HDAC8: variants seen among roughly 807,000 people sequenced by gnomAD.
HDAC8 encodes the protein histone deacetylase-like 1.
HDAC8 carries 1 observed loss-of-function variant against 32.2 expected under a neutral mutation model. The observed-to-expected ratio is 0.03, with a 90% CI of 0.01 to 0.15. HDAC8 has a LOEUF of 0.15. HDAC8 is among the 10% of genes least tolerant of loss of function. The pLI, the probability that HDAC8 is intolerant of heterozygous loss-of-function variation, is 1.00. For synonymous variants in HDAC8, 108 were observed against 113.9 expected, an observed-to-expected ratio of 0.95 and a Z score of 0.33; for missense variants, 117 against 300.0, an observed-to-expected ratio of 0.39 and a Z score of 4.51.
At chrX:72,487,747 A>G (rs968036808) in intron 7 of HDAC8, among the ~76,000 whole-genome samples, 1 of 108,721 alleles carries the variant, frequency 9.2e-6, no homozygotes, top group Admixed American at 9.8e-5. Flanking sequence ...AAAAAAAAAA[A>G]GGGTAACAAA....
intron 9 of HDAC8, among the ~76,000 whole-genome samples, chrX:72,399,481 A>G (rs1555966686): frequency 8.9e-6 from 1 of 112,560 alleles, no homozygotes; most frequent in Non-Finnish European, 1.9e-5. Flanking sequence ...TTTTAGAACC[A>G]GCTTGTCAAA....
chrX:72,384,787 T>G (rs1467607164), intron 9 of HDAC8, among the ~76,000 whole-genome samples: 1 of 112,522 alleles, frequency 8.9e-6, no homozygotes, highest in Admixed American at 9.4e-5. Flanking sequence ...GATACCCAGT[T>G]CCCTTACCAG....
At chrX:72,424,435 G>A (rs782709615) in intron 9 of HDAC8, among the ~76,000 whole-genome samples, 2 of 110,511 alleles carry the variant, frequency 1.8e-5, no homozygotes, top group African/African-American at 6.6e-5. Flanking sequence ...TCTTTTTCAG[G>A]AATTCTTATT....
chrX:72,572,684 A>G lies in HDAC8; in HGVS notation c.78T>C (p.Ser26=). Residue 26 remains serine (S), a synonymous_variant, in exon 1 of 11, where the codon AGT becomes AGC. Coordinates refer to ENST00000373573, the MANE Select transcript of HDAC8 (RefSeq NM_018486.3). Reference sequence around the variant, plus strand: ...GGATCTTGGCCAGGGAGTCACACATACTGACATACTCGGGACTATAGATAT... The same window carrying G: ...GGATCTTGGCCAGGGAGTCACACATGCTGACATACTCGGGACTATAGATAT... ...PVYIYSPEYV[S]MCDSLAKIPK... The G allele has an allele frequency of 2.5e-6, 3 of 1,202,103 alleles. No homozygotes were observed. Among genetic ancestry groups the G allele is most frequent in the Non-Finnish European group, 3.4e-6 (3 of 891,689 alleles).
intron 8 of HDAC8, among the ~76,000 whole-genome samples, chrX:72,462,735 A>G (rs1389630510): frequency 9.0e-6 from 1 of 111,380 alleles, no homozygotes; most frequent in African/African-American, 3.3e-5. Flanking sequence ...CGGCCATATT[A>G]TACTGGCTAA....
chrX:72,425,425 T>C lies in HDAC8; in HGVS notation c.1005+36579A>G, dbSNP rs183748254. On this transcript the variant is annotated intron_variant, in intron 9 of 10. Coordinates refer to ENST00000373573, the MANE Select transcript of HDAC8 (RefSeq NM_018486.3). ...GTTTCTGTGGGGTAACAGGAGCTTGTGGTTGCCTACTCCACCATTTTCTGC... is the reference window on the plus strand; with the variant it reads ...GTTTCTGTGGGGTAACAGGAGCTTGCGGTTGCCTACTCCACCATTTTCTGC... Among the ~76,000 whole-genome samples the C allele has an allele frequency of 3.2e-4, 36 of 111,918 alleles. No homozygotes were observed. In the East Asian group the frequency reaches 9.5e-3, roughly 30 times the overall value.
At chrX:72,338,510 G>C (rs1290276907) in intron 10 of HDAC8, among the ~76,000 whole-genome samples, 2 of 108,365 alleles carry the variant, frequency 1.8e-5, no homozygotes, top group Admixed American at 1.0e-4. Context: ...TTGGAGGTTG[G>C]GTGGCACCAC....
intron 6 of HDAC8, among the ~76,000 whole-genome samples, chrX:72,489,763 AAACT>A (rs2048799978): frequency 9.0e-6 from 1 of 111,395 alleles, no homozygotes; most frequent in East Asian, 2.8e-4. Context: ...GGATCTAATT[AAACT>A]AAAGAGCTTC....
chrX:72,470,722 C>T (rs920279044), intron 7 of HDAC8, among the ~76,000 whole-genome samples: 1 of 111,825 alleles, frequency 8.9e-6, no homozygotes, highest in Non-Finnish European at 1.9e-5. Context: ...ATCCAAAAGC[C>T]TTTTCTCTGT....
intron 4 of HDAC8, among the ~76,000 whole-genome samples, chrX:72,540,612 C>T (rs1237436013): frequency 5.4e-5 from 6 of 110,367 alleles, no homozygotes; most frequent in African/African-American, 2.0e-4. Flanking sequence ...GACTGCTTGA[C>T]TTTGTGAGCA....
intron 9 of HDAC8, among the ~76,000 whole-genome samples, chrX:72,377,938 C>T (rs1370529730): frequency 2.7e-5 from 3 of 109,491 alleles, no homozygotes; most frequent in African/African-American, 1.0e-4. Flanking sequence ...TCCACTGTAC[C>T]ATTTTAATTT....
At chrX:72,349,547 T>C (rs1250303466) in intron 10 of HDAC8, among the ~76,000 whole-genome samples, 1 of 112,743 alleles carries the variant, frequency 8.9e-6, no homozygotes, top group Non-Finnish European at 1.9e-5. Context: ...ATCAGAATAT[T>C]GCTTTAACCT....
chrX:72,463,184 G>A (rs782044511), intron 8 of HDAC8, among the ~76,000 whole-genome samples: 1 of 111,300 alleles, frequency 9.0e-6, no homozygotes, highest in East Asian at 2.8e-4. Flanking sequence ...CTCCTGACAC[G>A]GAAAAATCTG....
At chrX:72,560,008 C>T (rs781964241) in intron 4 of HDAC8, among the ~76,000 whole-genome samples, 16 of 112,743 alleles carry the variant, frequency 1.4e-4, no homozygotes, top group Non-Finnish European at 2.6e-4. Context: ...GCCCGGCCGC[C>T]CCGTCTGGGA....
rs1556007508 is a variant in HDAC8 at position 72,488,986 on chromosome X, A to G, written c.684T>C (p.Asn228=). The part of the protein sequence containing the change: ...GLGKGRYYSV[N]VPIQDGIQDE... ...CTTGTATGCCATCCTGAATGGGCAC[A>G]TTTACACTGTAGTACCGTCCCTTCC... is the stretch of plus-strand genomic sequence containing the variant. The change falls in exon 7 of 11, where the codon AAT becomes AAC. Residue 228 remains asparagine (N), a synonymous_variant. Transcript: ENST00000373573. 2 of 1,201,164 alleles carry G rather than the reference A, an allele frequency of 1.7e-6. No individual in the cohort carries two copies. Among genetic ancestry groups the G allele is most frequent in the Admixed American group, 4.5e-5 (2 of 44,861 alleles).
rs373083907 is a variant in HDAC8, at chrX:72,568,843, G to T, written c.206C>A (p.Thr69Asn). The change falls in exon 3 of 11, where the codon ACC becomes AAC. Residue 69 changes from threonine to asparagine, a missense_variant. Thr to Asn is a moderately conservative substitution (Grantham distance 65). Around this residue, in one of 4 missense-constraint regions of HDAC8, gnomAD observed 57 missense variants for 182.0 expected, o/e 0.31. Transcript: ENST00000373573. ...PKVASMEEMATFHTDAYLQHL... is the reference protein window; with the variant it reads ...PKVASMEEMANFHTDAYLQHL... Reference sequence around the variant, plus strand: ...CTGCAGATAAGCATCAGTGTGGAAGGTGGCCATCTCCTCCATGGAGGCCAC... The same window carrying T: ...CTGCAGATAAGCATCAGTGTGGAAGTTGGCCATCTCCTCCATGGAGGCCAC... The T allele has an allele frequency of 2.5e-5, 30 of 1,208,844 alleles. No individual in the cohort carries two copies. In the East Asian group the frequency reaches 5.3e-4, roughly 21 times the overall value.
intron 9 of HDAC8, among the ~76,000 whole-genome samples, chrX:72,446,640 C>A (rs909117979): frequency 4.5e-5 from 5 of 110,059 alleles, no homozygotes; most frequent in Admixed American, 1.9e-4. Context: ...ACATATGTAA[C>A]TAACTTGCAC....
intron 9 of HDAC8, among the ~76,000 whole-genome samples, chrX:72,354,142 C>T (rs1249356431): frequency 3.6e-5 from 4 of 112,101 alleles, no homozygotes; most frequent in Admixed American, 9.4e-5. Context: ...TCATTAGCAC[C>T]TGGTTTTAAC....
rs979579498 is a variant in HDAC8 at position 72,472,228 on chromosome X, C to T, written c.738-7497G>A. On this transcript the variant is annotated intron_variant, in intron 7 of 10. Coordinates refer to ENST00000373573, the MANE Select transcript of HDAC8 (RefSeq NM_018486.3). ...GACTACAGGCGCCCGCCACTATGCC[C>T]GGCTAATTTTTTGTATTTTTAGTAG... is the stretch of plus-strand genomic sequence containing the variant. 8.4e-5 allele frequency among the ~76,000 whole-genome samples: 9 copies of T among 107,684 alleles called. No individual in the cohort carries two copies. In the East Asian group the frequency reaches 8.7e-4, roughly 10 times the overall value. 93.5% of individuals were successfully genotyped at this position (107,684 alleles called of 115,157 possible).
Sources: gnomAD v4.1 joint callset for allele counts (sites outside exome capture counted in the v4.1 genomes callset) on GRCh38, gnomAD v4.1.1 for gene constraint, gnomAD v4.1.1 regional missense constraint, MANE v1.5 for transcripts, NCBI Gene and HGNC (gene_info 2026-07-23, HGNC 2026-07-21) for gene names.